MYO3B: variants seen among roughly 807,000 people sequenced by gnomAD.
The protein encoded by MYO3B is myosin IIIB.
A neutral mutation model predicts 174.6 loss-of-function variants in MYO3B; 156 were observed. The ratio of observed to expected loss-of-function variants is 0.89; its 90% CI spans 0.78 to 1.02. The LOEUF (loss-of-function observed/expected upper bound fraction) is 1.02, where lower values mean the gene tolerates loss of function less well. MYO3B is among the 50% of genes least tolerant of loss of function. The pLI is 0.00. For synonymous variants in MYO3B, 563 were observed against 569.1 expected (o/e 0.99, Z 0.15); for missense variants, 1,632 against 1,639.4 (o/e 1.00, Z 0.08).
At chr2:170,372,155 CAA>C (rs1475793607) in intron 9 of MYO3B, among the ~76,000 whole-genome samples, 8 of 88,796 alleles carry the variant, frequency 9.0e-5, no homozygotes, top group Non-Finnish European at 1.5e-4. Flanking sequence ...ACAACAACAA[CAA>C]AGAAAAAAAT....
intron 8 of MYO3B, chr2:170,344,627 C>A (rs996695790): frequency 6.6e-6 from 1 of 152,062 alleles, no homozygotes; most frequent in African/African-American, 2.4e-5. Context: ...GGGCTCTATC[C>A]CTAAGTAAAG....
At chr2:170,440,949 G>T (rs1052200247) in intron 22 of MYO3B, among the ~76,000 whole-genome samples, 4 of 150,996 alleles carry the variant, frequency 2.6e-5, no homozygotes, top group Admixed American at 6.6e-5. Context: ...TTACAGGCGC[G>T]TGCCACCACG....
In MYO3B at chr2:170,384,031, C is replaced by T. The variant is rs541244795; in HGVS notation, c.1290+217C>T. 5 of 494,466 alleles carry T rather than the reference C, an allele frequency of 1.0e-5. No homozygotes were observed. The East Asian group carries it at 1.6e-4, about 16-fold the overall frequency. 30.6% of individuals were successfully genotyped at this position (494,466 alleles called of 1,614,324 possible). ...TGCTTTTCAAGAAACATAAAACAGTCACATGAGGTGCGCTCATTTTCTCTG... is the reference window on the plus strand; with the variant it reads ...TGCTTTTCAAGAAACATAAAACAGTTACATGAGGTGCGCTCATTTTCTCTG... On this transcript the variant is annotated intron_variant, in intron 12 of 34. Coordinates refer to ENST00000408978, the MANE Select transcript of MYO3B (RefSeq NM_138995.5).
intron 22 of MYO3B, 145 bp from the exon 23 acceptor site, chr2:170,443,822 G>A (rs2094820300): frequency 2.9e-6 from 1 of 343,266 alleles, no homozygotes; most frequent in African/African-American, 2.1e-5. Context: ...TATCATCAAA[G>A]TGTCAAAATT....
chr2:170,298,202 T>C (rs939278218), intron 7 of MYO3B, among the ~76,000 whole-genome samples: 5 of 152,124 alleles, frequency 3.3e-5, no homozygotes, highest in African/African-American at 1.2e-4. Context: ...GTTGAAAGCA[T>C]CTCAGATGGT....
intron 1 of MYO3B, among the ~76,000 whole-genome samples, chr2:170,179,640 A>G (rs1187504757): frequency 6.6e-6 from 1 of 152,166 alleles, no homozygotes. Context: ...GTTATGATGC[A>G]GCAAGAAGGC....
intron 25 of MYO3B, among the ~76,000 whole-genome samples, chr2:170,494,542 A>G (rs907631866): frequency 3.3e-5 from 5 of 152,024 alleles, no homozygotes; most frequent in Non-Finnish European, 5.9e-5. Flanking sequence ...TGCCTGGCCA[A>G]TGTGGTGAAA....
chr2:170,440,925 C>T (rs2094795976), intron 22 of MYO3B, among the ~76,000 whole-genome samples: 1 of 149,936 alleles, frequency 6.7e-6, no homozygotes, highest in Non-Finnish European at 1.5e-5. Flanking sequence ...CCTCAGCCTC[C>T]AGAGTAGCTG....
intron 32 of MYO3B, among the ~76,000 whole-genome samples, chr2:170,634,281 T>C (rs1697274520): frequency 6.6e-6 from 1 of 152,090 alleles, no homozygotes; most frequent in South Asian, 2.1e-4. Flanking sequence ...TATAGACCAA[T>C]GGAACAGAAC....
chr2:170,305,046 G>A (rs1391388231), intron 7 of MYO3B, among the ~76,000 whole-genome samples: 1 of 151,592 alleles, frequency 6.6e-6, no homozygotes, highest in African/African-American at 2.4e-5. Context: ...TATCATTGAA[G>A]TTTTATATTT....
At chr2:170,280,445 G>A (rs1313722463) in intron 7 of MYO3B, among the ~76,000 whole-genome samples, 2 of 151,908 alleles carry the variant, frequency 1.3e-5, no homozygotes, top group South Asian at 2.1e-4. Context: ...TTCTTTTGCC[G>A]TGCGGAAGCT....
At chr2:170,467,647 A>G (rs1306967305) in intron 25 of MYO3B, among the ~76,000 whole-genome samples, 4 of 152,132 alleles carry the variant, frequency 2.6e-5, no homozygotes, top group Non-Finnish European at 1.5e-5. Context: ...ACATTGTAGA[A>G]TCTGCCTCAC....
chr2:170,549,621 A>G (rs1690751851), intron 32 of MYO3B, among the ~76,000 whole-genome samples: 1 of 152,126 alleles, frequency 6.6e-6, no homozygotes, highest in Non-Finnish European at 1.5e-5. Flanking sequence ...GCTGTATTTT[A>G]TTCTTGGAAA....
chr2:170,649,433 T>A (rs1460176529), intron 32 of MYO3B, among the ~76,000 whole-genome samples: 1 of 89,958 alleles, frequency 1.1e-5, no homozygotes, highest in Non-Finnish European at 2.2e-5. Context: ...ATATATAATA[T>A]ATTACATATA....
intron 22 of MYO3B, among the ~76,000 whole-genome samples, chr2:170,414,532 C>T (rs1437662087): frequency 6.6e-6 from 1 of 152,156 alleles, no homozygotes; most frequent in Admixed American, 6.5e-5. Context: ...CAACTTTATT[C>T]TTCTTTTTCA....
chr2:170,532,620 C>T (rs540555134), intron 30 of MYO3B, among the ~76,000 whole-genome samples: 1 of 152,042 alleles, frequency 6.6e-6, no homozygotes, highest in East Asian at 1.9e-4. Context: ...CGAGACCAGC[C>T]TGACCAACAT....
chr2:170,438,313 T>C (rs1348359398), intron 22 of MYO3B, among the ~76,000 whole-genome samples: 1 of 152,198 alleles, frequency 6.6e-6, no homozygotes, highest in African/African-American at 2.4e-5. Flanking sequence ...TCAAATGTTC[T>C]TTATCCATTT....
intron 7 of MYO3B, among the ~76,000 whole-genome samples, chr2:170,288,786 T>C (rs1345714714): frequency 1.3e-5 from 2 of 152,114 alleles, no homozygotes; most frequent in African/African-American, 4.8e-5. Context: ...GGCATCCTTG[T>C]CTTGTTCCAT....
chr2:170,253,107 G>A (rs1015419899), intron 7 of MYO3B, among the ~76,000 whole-genome samples: 3 of 152,188 alleles, frequency 2.0e-5, no homozygotes, highest in Non-Finnish European at 4.4e-5. Flanking sequence ...ATACTATGTG[G>A]AAAATGGAAT....
Sources: gnomAD v4.1 joint callset for allele counts (sites outside exome capture counted in the v4.1 genomes callset) on GRCh38, gnomAD v4.1.1 for gene constraint, MANE v1.5 for transcripts, NCBI Gene and HGNC (gene_info 2026-07-23, HGNC 2026-07-21) for gene names.